The following FGGY variants were observed in gnomAD, a reference collection of about 807,000 sequenced individuals.
The protein encoded by FGGY is FGGY carbohydrate kinase domain-containing protein.
FGGY carries 72 observed loss-of-function variants against 71.3 expected under a neutral mutation model. That is an observed-to-expected ratio of 1.01 (90% CI 0.84 to 1.23). FGGY has a LOEUF of 1.23. Ranked by LOEUF, FGGY falls within the 50% of genes most tolerant of loss-of-function variation. The pLI, the probability that FGGY is intolerant of heterozygous loss-of-function variation, is 0.00. For missense variants in FGGY, 668 were observed against 682.3 expected, an observed-to-expected ratio of 0.98 and a Z score of 0.23; for synonymous variants, 251 against 250.3, an observed-to-expected ratio of 1.00 and a Z score of -0.02.
chr1:59,718,723 C>T (rs2097862490), intron 14 of FGGY, among the ~76,000 whole-genome samples: 1 of 152,090 alleles, frequency 6.6e-6, no homozygotes. Context: ...TGTCCCATAC[C>T]ACCCCTTCAC....
intron 14 of FGGY, among the ~76,000 whole-genome samples, chr1:59,742,122 C>T (rs921423643): frequency 6.6e-6 from 1 of 152,096 alleles, no homozygotes; most frequent in Non-Finnish European, 1.5e-5. Flanking sequence ...AGTAAAATCC[C>T]TTCTTCTGCC....
At chr1:59,507,707 T>TTTTTTTTTA (rs36066163) in intron 6 of FGGY, among the ~76,000 whole-genome samples, 1 of 145,024 alleles carries the variant, frequency 6.9e-6, no homozygotes, top group Non-Finnish European at 1.5e-5. Context: ...TTTTTTTTTT[T>TTTTTTTTTA]GTATTTTTAG....
intron 8 of FGGY, among the ~76,000 whole-genome samples, chr1:59,587,477 C>A (rs964407140): frequency 6.6e-6 from 1 of 152,252 alleles, no homozygotes; most frequent in East Asian, 1.9e-4. Flanking sequence ...GATCTGAGAA[C>A]GGGCAGACTG....
chr1:59,506,798 C>CA (rs1049409806), intron 6 of FGGY, among the ~76,000 whole-genome samples: 47 of 136,844 alleles, frequency 3.4e-4, no homozygotes, highest in South Asian at 1.8e-3. Flanking sequence ...GACTCTGTCT[C>CA]AAAAAAAAAA....
intron 5 of FGGY, among the ~76,000 whole-genome samples, chr1:59,422,676 A>C (rs1174987566): frequency 6.6e-6 from 1 of 151,364 alleles, no homozygotes; most frequent in African/African-American, 2.4e-5. Context: ...TTTGGGTGAC[A>C]GCGAGACCCT....
intron 1 of FGGY, among the ~76,000 whole-genome samples, chr1:59,300,856 C>T (rs1012753684): frequency 1.3e-5 from 2 of 152,142 alleles, no homozygotes; most frequent in Non-Finnish European, 2.9e-5. Context: ...AATGCGAACA[C>T]CACATAGTCT....
chr1:59,328,194 A>G (rs934257884), intron 2 of FGGY, among the ~76,000 whole-genome samples: 5 of 152,234 alleles, frequency 3.3e-5, no homozygotes, highest in Admixed American at 6.5e-5. Flanking sequence ...TTCTTCCAAT[A>G]TAAGGCTGTT....
intron 2 of FGGY, among the ~76,000 whole-genome samples, chr1:59,322,521 A>G (rs908338590): frequency 6.6e-6 from 1 of 152,102 alleles, no homozygotes; most frequent in Admixed American, 6.6e-5. Context: ...ACTCTTAACC[A>G]TTGGACTCTG....
intron 6 of FGGY, among the ~76,000 whole-genome samples, chr1:59,460,398 G>A (rs2092086014): frequency 6.6e-6 from 1 of 152,192 alleles, no homozygotes; most frequent in Admixed American, 6.5e-5. Context: ...GAGCAGCTCG[G>A]AAGCTCGAAC....
chr1:59,497,824 ACT>A (rs1450624736), intron 6 of FGGY, among the ~76,000 whole-genome samples: 1 of 151,822 alleles, frequency 6.6e-6, no homozygotes, highest in African/African-American at 2.4e-5. Flanking sequence ...AGTACCTGCA[ACT>A]CTGTCGGCGC....
intron 11 of FGGY, among the ~76,000 whole-genome samples, chr1:59,642,247 A>G (rs1264549928): frequency 6.6e-6 from 1 of 152,252 alleles, no homozygotes; most frequent in Non-Finnish European, 1.5e-5. Context: ...ACAAAGCTAC[A>G]GAAAATAAAA....
intron 8 of FGGY, among the ~76,000 whole-genome samples, chr1:59,565,290 C>A (rs1368860857): frequency 6.6e-6 from 1 of 151,092 alleles, no homozygotes; most frequent in Non-Finnish European, 1.5e-5. Flanking sequence ...TAAGTCCTTT[C>A]TTTTTTTTTA....
Position 59,758,002 on chromosome 1 carries a change from T to C in FGGY, c.1574+10T>C, listed in dbSNP as rs2098309251. On this transcript the variant is annotated intron_variant, in intron 15 of 15. Transcript: ENST00000303721. ...GACTACAGGATAAAAAGTAAGTGTG[T>C]ATTTTTTATATGTACAGTGCTAAGG... The C allele has an allele frequency of 6.2e-7, 1 of 1,602,916 alleles. No individual in the cohort carries two copies. The highest frequency in any genetic ancestry group is 8.5e-7 in the Non-Finnish European group (1 of 1,170,614).
At chr1:59,672,847 A>C (rs1199176540) in intron 13 of FGGY, among the ~76,000 whole-genome samples, 1 of 152,232 alleles carries the variant, frequency 6.6e-6, no homozygotes, top group Non-Finnish European at 1.5e-5. Flanking sequence ...TTAGCAGACT[A>C]ATCTATACAT....
At chr1:59,638,498 T>C (rs1447853594) in intron 11 of FGGY, 123 bp downstream of exon 11, 2 of 1,121,896 alleles carry the variant, frequency 1.8e-6, no homozygotes, top group Non-Finnish European at 2.5e-6. Flanking sequence ...CCTCTGGCTT[T>C]GTGCAGATGC....
intron 14 of FGGY, among the ~76,000 whole-genome samples, chr1:59,726,261 T>C (rs1388768421): frequency 6.6e-6 from 1 of 152,190 alleles, no homozygotes; most frequent in Non-Finnish European, 1.5e-5. Context: ...ACCAACCTTG[T>C]ACACCTGGAG....
Position 59,422,037 on chromosome 1 carries a change from T to G in FGGY, c.555-34924T>G, listed in dbSNP as rs2065528682. On this transcript the variant is annotated intron_variant, in intron 5 of 15. Transcript: ENST00000303721. ...ATTGGTCTGATTTAATCATTGCCTA[T>G]GTAGAAAAAGAGATTAGATCACTGG... is the stretch of plus-strand genomic sequence containing the variant. Among the ~76,000 whole-genome samples the G allele has an allele frequency of 3.3e-5, 5 of 152,304 alleles. No individual in the cohort carries two copies. In the Middle Eastern group the frequency reaches 0.014, roughly 414 times the overall value.
intron 5 of FGGY, among the ~76,000 whole-genome samples, chr1:59,450,397 T>C (rs1286042564): frequency 2.6e-5 from 4 of 152,200 alleles, no homozygotes; most frequent in African/African-American, 9.6e-5. Flanking sequence ...CTGTTGTATT[T>C]ACTCACATAT....
intron 5 of FGGY, among the ~76,000 whole-genome samples, chr1:59,449,553 G>A (rs1344837785): frequency 3.3e-5 from 5 of 152,152 alleles, no homozygotes; most frequent in African/African-American, 1.2e-4. Flanking sequence ...AAGGTGCTGG[G>A]ATTATAGGCG....
Sources: allele counts gnomAD v4.1 joint callset (sites outside exome capture counted in the v4.1 genomes callset), GRCh38; gene constraint gnomAD v4.1.1; transcripts MANE v1.5; gene names NCBI Gene and HGNC (gene_info 2026-07-23, HGNC 2026-07-21).